TOGARAM1: variants seen among roughly 807,000 people sequenced by gnomAD.
TOGARAM1 encodes the protein TOG array regulator of axonemal microtubules protein 1.
In TOGARAM1, 100 loss-of-function variants were observed where a neutral mutation model predicts 166.6. That is an observed-to-expected ratio of 0.60 (90% CI 0.51 to 0.71). The LOEUF is 0.71. Ranked by LOEUF, TOGARAM1 falls within the 30% of genes least tolerant of loss-of-function variation. TOGARAM1 has a pLI of 0.00. For synonymous variants in TOGARAM1, 758 were observed against 763.8 expected, an observed-to-expected ratio of 0.99 and a Z score of 0.13; for missense variants, 2,029 against 2,102.7, an observed-to-expected ratio of 0.96 and a Z score of 0.69.
intron 11 of TOGARAM1, among the ~76,000 whole-genome samples, chr14:45,037,609 A>G (rs1011195872): frequency 3.3e-5 from 5 of 152,332 alleles, no homozygotes; most frequent in African/African-American, 1.2e-4. Flanking sequence ...TTTATTTACC[A>G]TATAATATTG....
At chr14:44,968,291 A>T (rs1398570434) in intron 1 of TOGARAM1, among the ~76,000 whole-genome samples, 2 of 152,086 alleles carry the variant, frequency 1.3e-5, no homozygotes, top group African/African-American at 2.4e-5. Flanking sequence ...ACGGAGTTTC[A>T]CTCTGTCGCC....
intron 11 of TOGARAM1, among the ~76,000 whole-genome samples, chr14:45,039,863 CCTGGCTCCCG>C (rs1345714398): frequency 2.0e-5 from 3 of 152,150 alleles, no homozygotes; most frequent in Non-Finnish European, 4.4e-5. Flanking sequence ...CCCACCTGTT[CCTGGCTCCCG>C]CTGGCTCCAG....
intron 11 of TOGARAM1, among the ~76,000 whole-genome samples, chr14:45,040,955 C>T (rs1199167403): frequency 6.6e-6 from 1 of 152,206 alleles, no homozygotes; most frequent in Non-Finnish European, 1.5e-5. Context: ...ACAAGAATCG[C>T]TTGAACCCAG....
chr14:45,053,385 T>C (rs913016988), intron 15 of TOGARAM1, among the ~76,000 whole-genome samples: 10 of 152,124 alleles, frequency 6.6e-5, no homozygotes, highest in Admixed American at 5.2e-4. Context: ...AATTCAGTAA[T>C]GTCTGATAAA....
chr14:44,963,131 T>G lies in TOGARAM1; in HGVS notation c.710T>G (p.Leu237Arg), dbSNP rs1432617041. The G allele has an allele frequency of 6.2e-7, 1 of 1,614,218 alleles. No individual in the cohort carries two copies. Among genetic ancestry groups the G allele is most frequent in the East Asian group, 2.2e-5 (1 of 44,884 alleles). ...DARLRASTALLLPILLTTEDL... is the reference protein window; with the variant it reads ...DARLRASTALRLPILLTTEDL... ...CGACTTAGAGCTTCCACAGCACTAC[T>G]GCTTCCCATCTTGCTTACTACTGAG... Residue 237 changes from leucine to arginine, a missense_variant, in exon 1 of 20, where the codon CTG becomes CGG. Transcript: ENST00000361462.
intron 16 of TOGARAM1, among the ~76,000 whole-genome samples, chr14:45,056,115 G>A (rs1276547093): frequency 6.6e-6 from 1 of 151,694 alleles, no homozygotes; most frequent in Non-Finnish European, 1.5e-5. Flanking sequence ...ATACTCCTAG[G>A]TATTTTATTT....
chr14:44,999,298 AAAATGTATTCATGAAAT>A, intron 2 of TOGARAM1, 48 bp from the exon 3 acceptor site: 5 of 1,421,266 alleles, frequency 3.5e-6, no homozygotes, highest in Non-Finnish European at 4.7e-6. Flanking sequence ...TTTATGAAAT[AAAATGTATTCATGAAAT>A]AAAGTTAACT....
At chr14:45,065,519 A>T (rs978204965) in intron 16 of TOGARAM1, among the ~76,000 whole-genome samples, 4 of 152,252 alleles carry the variant, frequency 2.6e-5, no homozygotes, top group South Asian at 2.1e-4. Flanking sequence ...CCTGCAGACC[A>T]TGGGATGGAC....
At position 45,071,706 on chromosome 14, in the gene TOGARAM1, G is replaced by A. The variant is rs780941911; in HGVS notation, c.4970-6G>A. On this transcript the variant is annotated splice_polypyrimidine_tract_variant and splice_region_variant and intron_variant, in intron 18 of 19. Transcript: ENST00000361462. The stretch of plus-strand genomic sequence containing the variant: ...AAACATGTGTCTCTGTGTTCTTTTT[G>A]TTTAGACAATTACTTACTTCTACAG... The A allele has an allele frequency of 1.0e-4, 164 of 1,598,436 alleles. No individual in the cohort carries two copies. The highest frequency in any genetic ancestry group is 1.3e-4 in the Non-Finnish European group (156 of 1,171,660).
intron 11 of TOGARAM1, among the ~76,000 whole-genome samples, chr14:45,035,161 T>G (rs1482737377): frequency 1.3e-5 from 2 of 151,994 alleles, no homozygotes; most frequent in African/African-American, 2.4e-5. Context: ...AATGAAACAA[T>G]GAAGCCTGAC....
intron 1 of TOGARAM1, among the ~76,000 whole-genome samples, chr14:44,965,869 A>ATTTTT (rs747983176): frequency 3.4e-4 from 41 of 120,476 alleles, no homozygotes; most frequent in African/African-American, 1.1e-3. Flanking sequence ...ACAAATAGTA[A>ATTTTT]TTTTTTTTTT....
intron 16 of TOGARAM1, among the ~76,000 whole-genome samples, chr14:45,056,392 C>T (rs975981779): frequency 2.6e-5 from 4 of 152,010 alleles, no homozygotes; most frequent in East Asian, 1.9e-4. Context: ...TTATCTAGGA[C>T]TTATAGTACT....
chr14:44,962,982 G>T lies in TOGARAM1; in HGVS notation c.561G>T (p.Ser187=), dbSNP rs1276836495. 1.2e-6 allele frequency: 2 copies of T among 1,614,162 alleles called. No individual in the cohort carries two copies. Among genetic ancestry groups the T allele is most frequent in the Non-Finnish European group, 8.5e-7 (1 of 1,180,022 alleles). ...CACTTTTGCCTCAACTAGTTGTCTC[G>T]TTACGGGAAGAGAATCCAGCCCTGC... ...SLALLPQLVV[S]LREENPALRK... The change falls in exon 1 of 20, where the codon TCG becomes TCT. Residue 187 remains serine, a synonymous_variant. Coordinates refer to ENST00000361462, the MANE Select transcript of TOGARAM1 (RefSeq NM_001308120.2).
intron 11 of TOGARAM1, among the ~76,000 whole-genome samples, chr14:45,033,177 C>T (rs1320500730): frequency 6.7e-6 from 1 of 149,458 alleles, no homozygotes; most frequent in Non-Finnish European, 1.5e-5. Context: ...TGCTTGAACC[C>T]GGGAGGTGGA....
chr14:45,020,755 G>A (rs953715199), intron 7 of TOGARAM1, among the ~76,000 whole-genome samples: 1 of 152,234 alleles, frequency 6.6e-6, no homozygotes, highest in Non-Finnish European at 1.5e-5. Context: ...TGCACTGGGA[G>A]TTGGTTGTGT....
intron 7 of TOGARAM1, among the ~76,000 whole-genome samples, chr14:45,012,303 C>G (rs1232704510): frequency 6.6e-6 from 1 of 152,080 alleles, no homozygotes; most frequent in Non-Finnish European, 1.5e-5. Context: ...AATTGGCATA[C>G]CTATGGCTGG....
In TOGARAM1 at chr14:44,962,201, T is replaced by C; in HGVS notation, c.-221T>C. 2.0e-6 allele frequency: 1 copy of C among 504,180 alleles called. No individual in the cohort carries two copies. Among genetic ancestry groups the C allele is most frequent in the South Asian group, 3.7e-5 (1 of 27,090 alleles). 31.2% of individuals were successfully genotyped at this position (504,180 alleles called of 1,614,324 possible). ...CAATCGGTTTGGTCACGTGGTGCCC[T>C]TGGTTACGCCCGGTGGCAGCTGTGG... On this transcript the variant is annotated 5_prime_UTR_variant, in exon 1 of 20. Coordinates refer to ENST00000361462, the MANE Select transcript of TOGARAM1 (RefSeq NM_001308120.2).
intron 18 of TOGARAM1, among the ~76,000 whole-genome samples, chr14:45,070,819 T>C (rs1487944739): frequency 6.6e-6 from 1 of 152,232 alleles, no homozygotes; most frequent in African/African-American, 2.4e-5. Context: ...GACCTGTATA[T>C]AATCTTTGTA....
chr14:45,041,380 G>A (rs1594682858), intron 11 of TOGARAM1, among the ~76,000 whole-genome samples: 1 of 152,098 alleles, frequency 6.6e-6, no homozygotes, highest in African/African-American at 2.4e-5. Flanking sequence ...CAGCCTGGGC[G>A]ACAGAGCAAG....
Sources: allele counts gnomAD v4.1 joint callset (sites outside exome capture counted in the v4.1 genomes callset), GRCh38; gene constraint gnomAD v4.1.1; transcripts MANE v1.5; gene names NCBI Gene and HGNC (gene_info 2026-07-23, HGNC 2026-07-21).